Variants in STYX observed in about 807,000 individuals in gnomAD.
STYX encodes the protein serine/threonine/tyrosine-interacting protein.
Under a neutral mutation model 42.7 loss-of-function variants are expected in STYX, and 20 were observed. That is an observed-to-expected ratio of 0.47 (90% CI 0.33 to 0.68). The LOEUF is 0.68. Ranked by LOEUF, STYX falls within the 30% of genes least tolerant of loss-of-function variation. STYX has a pLI of 0.02. For synonymous variants in STYX, 78 were observed against 81.9 expected, an observed-to-expected ratio of 0.95 and a Z score of 0.26; for missense variants, 226 against 268.5, an observed-to-expected ratio of 0.84 and a Z score of 1.11.
chr14:52,731,791 A>G (rs940811940), intron 1 of STYX: 6 of 151,716 alleles, frequency 4.0e-5, no homozygotes, highest in African/African-American at 2.4e-5. Context: ...TGACAATTAC[A>G]TTTGTTTTAA....
intron 2 of STYX, among the ~76,000 whole-genome samples, chr14:52,745,184 G>A (rs557341635): frequency 3.4e-5 from 5 of 149,202 alleles, no homozygotes; most frequent in African/African-American, 7.4e-5. Flanking sequence ...GCAATGGCAC[G>A]ATCTCGGCTC....
At chr14:52,741,541 A>G (rs951219545) in intron 1 of STYX, among the ~76,000 whole-genome samples, 7 of 151,924 alleles carry the variant, frequency 4.6e-5, no homozygotes, top group African/African-American at 1.7e-4. Flanking sequence ...AGATTCAAGC[A>G]ACTCTCCTGC....
chr14:52,741,085 CT>C (rs1168737927), intron 1 of STYX, among the ~76,000 whole-genome samples: 1 of 152,066 alleles, frequency 6.6e-6, no homozygotes, highest in Non-Finnish European at 1.5e-5. Context: ...ACTTCGTAGA[CT>C]TTTATCCCTG....
chr14:52,732,034 G>A (rs7148391), intron 1 of STYX, among the ~76,000 whole-genome samples: 1,530 of 146,812 alleles, frequency 0.01, 28 homozygotes, highest in African/African-American at 0.036. Context: ...CTTGTCCTCC[G>A]AAAGTGTTGG....
intron 4 of STYX, among the ~76,000 whole-genome samples, chr14:52,755,637 A>C (rs1881830781): frequency 6.6e-6 from 1 of 151,732 alleles, no homozygotes; most frequent in Non-Finnish European, 1.5e-5. Context: ...ATGCCTTTTA[A>C]GTATTTTGTA....
intron 1 of STYX, among the ~76,000 whole-genome samples, chr14:52,740,558 T>A (rs1321364694): frequency 6.6e-6 from 1 of 152,226 alleles, no homozygotes; most frequent in Non-Finnish European, 1.5e-5. Flanking sequence ...ACAGTGATAG[T>A]ATCCCTTCTT....
Position 52,732,097 on chromosome 14 carries a change from T to G in STYX, c.57+1566T>G, listed in dbSNP as rs1428014495. On this transcript the variant is annotated intron_variant, in intron 1 of 10. Transcript: ENST00000354586. The stretch of plus-strand genomic sequence containing the variant: ...GCCCAAGAATATACTCATGGTTTTT[T>G]TTTTTTTTTTTTTTTTGACACAGAG... Among the ~76,000 whole-genome samples, 7 of 118,236 alleles carry G rather than the reference T, an allele frequency of 5.9e-5. No homozygotes were observed. The South Asian group carries it at 9.3e-4, about 16-fold the overall frequency. 77.6% of individuals were successfully genotyped at this position (118,236 alleles called of 152,430 possible).
At chr14:52,753,936 C>T (rs941598343) in intron 4 of STYX, among the ~76,000 whole-genome samples, 2 of 115,778 alleles carry the variant, frequency 1.7e-5, no homozygotes, top group African/African-American at 6.4e-5. Flanking sequence ...GAGTCTCGCT[C>T]TGTCATCCAG....
intron 1 of STYX, among the ~76,000 whole-genome samples, chr14:52,732,896 C>G (rs1880791800): frequency 6.6e-6 from 1 of 152,050 alleles, no homozygotes; most frequent in Non-Finnish European, 1.5e-5. Context: ...GTCTGGAACG[C>G]CAGACCTCAA....
intron 5 of STYX, among the ~76,000 whole-genome samples, 172 bp from the exon 6 acceptor site, chr14:52,757,147 T>G (rs940984551): frequency 4.6e-5 from 7 of 152,232 alleles, no homozygotes; most frequent in African/African-American, 1.2e-4. Context: ...AATTTTGGCT[T>G]CTTTAATTTT....
At chr14:52,759,278 C>T (rs1470537452) in intron 8 of STYX, among the ~76,000 whole-genome samples, 1 of 152,088 alleles carries the variant, frequency 6.6e-6, no homozygotes, top group African/African-American at 2.4e-5. Context: ...CATCACTGTG[C>T]CTGGCTAATT....
At chr14:52,755,685 T>G (rs1032414337) in intron 4 of STYX, among the ~76,000 whole-genome samples, 3 of 147,118 alleles carry the variant, frequency 2.0e-5, no homozygotes, top group African/African-American at 7.7e-5. Context: ...CTCAGCTAGT[T>G]TTTTTTTTTT....
At chr14:52,735,040 G>C (rs1454904343) in intron 1 of STYX, among the ~76,000 whole-genome samples, 2 of 151,370 alleles carry the variant, frequency 1.3e-5, no homozygotes, top group Non-Finnish European at 2.9e-5. Flanking sequence ...CTGGGAGACA[G>C]AGCGAGACTC....
intron 9 of STYX, among the ~76,000 whole-genome samples, chr14:52,767,713 A>G (rs1425972560): frequency 1.3e-5 from 2 of 152,158 alleles, no homozygotes; most frequent in Non-Finnish European, 2.9e-5. Context: ...AGCTCCTTAT[A>G]TCACAGGTTT....
intron 1 of STYX, among the ~76,000 whole-genome samples, chr14:52,740,795 A>C (rs1258739773): frequency 6.6e-6 from 1 of 152,210 alleles, no homozygotes; most frequent in African/African-American, 2.4e-5. Context: ...AGTGTAATGT[A>C]CAAATAGTAA....
chr14:52,733,218 C>T (rs567661704), intron 1 of STYX, among the ~76,000 whole-genome samples: 1 of 152,286 alleles, frequency 6.6e-6, no homozygotes, highest in South Asian at 2.1e-4. Context: ...TAAAATTTTC[C>T]CGGACTTTGC....
intron 1 of STYX, chr14:52,731,805 TAG>T (rs1356131989): frequency 6.6e-6 from 1 of 151,972 alleles, no homozygotes; most frequent in African/African-American, 2.4e-5. Flanking sequence ...GTTTTAAGAG[TAG>T]AGACTTTGTT....
chr14:52,758,692 C>T (rs564522545), intron 8 of STYX, among the ~76,000 whole-genome samples: 3 of 152,306 alleles, frequency 2.0e-5, no homozygotes, highest in Admixed American at 2.0e-4. Context: ...TCTCCTGCCT[C>T]AGCCTCCCTA....
At chr14:52,750,100 AT>A (rs1250977526) in intron 3 of STYX, among the ~76,000 whole-genome samples, 1 of 152,212 alleles carries the variant, frequency 6.6e-6, no homozygotes, top group Non-Finnish European at 1.5e-5. Flanking sequence ...CTCAACCTGT[AT>A]TGAATATAAT....
Sources: gnomAD v4.1 joint callset for allele counts (sites outside exome capture counted in the v4.1 genomes callset) on GRCh38, gnomAD v4.1.1 for gene constraint, MANE v1.5 for transcripts, NCBI Gene and HGNC (gene_info 2026-07-23, HGNC 2026-07-21) for gene names.